Variants in HRK observed in about 807,000 individuals in gnomAD.
HRK encodes harakiri, BCL2 interacting protein, also known as activator of apoptosis harakiri.
A neutral mutation model predicts 5.9 loss-of-function variants in HRK; 6 were observed. The ratio of observed to expected loss-of-function variants is 1.02; its 90% confidence interval spans 0.56 to 2.01. The LOEUF is 2.01. Among genes scored for constraint, HRK ranks in the 30% most tolerant of loss-of-function variants. The pLI is 0.00. For missense variants in HRK, 133 were observed against 128.3 expected (o/e 1.04, Z -0.18); for synonymous variants, 85 against 65.1 (o/e 1.31, Z -1.47).
rs546371221 is a variant in HRK, at chr12:116,878,049, G to T, written c.*56+2927C>A. Among the ~76,000 whole-genome samples the T allele has an allele frequency of 5.5e-4, 83 of 152,126 alleles. No individual in the cohort carries two copies. The highest frequency in any genetic ancestry group is 1.1e-3 in the Non-Finnish European group (76 of 68,034). On this transcript the variant is annotated intron_variant, in intron 1 of 1. Coordinates refer to ENST00000257572, the MANE Select transcript of HRK (RefSeq NM_003806.4). The surrounding 1 kb of genome is among the most constrained non-coding windows in gnomAD (Gnocchi z 4.4). ...TCCTGCCTCAGCCTCCCGAGTAGCT[G>T]GGATTACAGGTGTGCACCACCACGC...
chr12:116,871,702 C>T (rs1458168454), intron 1 of HRK, among the ~76,000 whole-genome samples: 3 of 151,054 alleles, frequency 2.0e-5, no homozygotes, highest in Non-Finnish European at 4.4e-5. Context: ...TCACAGCTCA[C>T]TGCAGCCTCA....
In HRK at chr12:116,858,654, T is replaced by C. The variant is rs1299890474; in HGVS notation, c.*2869A>G. 1 of 151,264 alleles carries C rather than the reference T, an allele frequency of 6.6e-6. No individual in the cohort carries two copies. Among genetic ancestry groups the C allele is most frequent in the Non-Finnish European group, 1.5e-5 (1 of 68,138 alleles). 9.4% of individuals were successfully genotyped at this position (151,264 alleles called of 1,614,324 possible). A position where few individuals can be genotyped will look rare whatever the true frequency, so the allele number is the denominator to read the frequency against. On this transcript the variant is annotated 3_prime_UTR_variant, in exon 2 of 2. Coordinates refer to ENST00000257572, the MANE Select transcript of HRK (RefSeq NM_003806.4). ...TCTGCTGAAACCCGATATGAGGTCTTTTTTAAAATTTATTTCAAAGCCTCC... is the reference window on the plus strand; with the variant it reads ...TCTGCTGAAACCCGATATGAGGTCTCTTTTAAAATTTATTTCAAAGCCTCC...
rs1278236615 is a variant in HRK, at chr12:116,860,513, G to A, written c.*1010C>T. On this transcript the variant is annotated 3_prime_UTR_variant, in exon 2 of 2. Coordinates refer to ENST00000257572, the MANE Select transcript of HRK (RefSeq NM_003806.4). The stretch of plus-strand genomic sequence containing the variant: ...TGGAGGAGGCTGTGGGCTGAACTCC[G>A]AGGACACTTTTGTGGGGGTGGGGGA... 1 of 152,018 alleles carries A rather than the reference G, an allele frequency of 6.6e-6. No individual in the cohort carries two copies. Among genetic ancestry groups the A allele is most frequent in the Non-Finnish European group, 1.5e-5 (1 of 68,024 alleles). The allele number at this position is 152,018 out of a possible 1,614,324, so 9.4% of individuals were successfully genotyped here.
chr12:116,861,566 G>T (rs767157262), intron 1 of HRK, 100 bp from the exon 2 acceptor site: 5 of 152,226 alleles, frequency 3.3e-5, no homozygotes, highest in African/African-American at 9.7e-5. Flanking sequence ...ATGTCGGGAG[G>T]GGGAGGAGGG....
intron 1 of HRK, among the ~76,000 whole-genome samples, chr12:116,871,966 G>A (rs1328286186): frequency 1.3e-5 from 2 of 151,526 alleles, no homozygotes; most frequent in Admixed American, 1.3e-4. Context: ...GTCTGCCCAG[G>A]TTGGAGTACA....
rs1878151430 is a variant in HRK, at chr12:116,856,487, T to G, written c.*5036A>C. 1 of 152,220 alleles carries G rather than the reference T, an allele frequency of 6.6e-6. No homozygotes were observed. The highest frequency in any genetic ancestry group is 1.5e-5 in the Non-Finnish European group (1 of 68,048). 9.4% of individuals were successfully genotyped at this position (152,220 alleles called of 1,614,324 possible). On this transcript the variant is annotated 3_prime_UTR_variant, in exon 2 of 2. Transcript: ENST00000257572. The surrounding 1 kb of genome is among the most constrained non-coding windows in gnomAD (Gnocchi z 4.4). Reference sequence around the variant, plus strand: ...CCTAGGAAATAAGTCATACAGGCCCTATTTGCAAATTCCTTGCACCTTCCC... The same window carrying G: ...CCTAGGAAATAAGTCATACAGGCCCGATTTGCAAATTCCTTGCACCTTCCC...
chr12:116,875,632 C>G (rs1406235113), intron 1 of HRK, among the ~76,000 whole-genome samples: 1 of 152,166 alleles, frequency 6.6e-6, no homozygotes, highest in East Asian at 1.9e-4. Flanking sequence ...CAACCTCCGC[C>G]TCCTGGGTTC....
In HRK at chr12:116,878,135, C is replaced by CA. The variant is rs1274706420; in HGVS notation, c.*56+2840dup. 2.0e-5 allele frequency among the ~76,000 whole-genome samples: 3 copies of CA among 152,206 alleles called. No homozygotes were observed. The highest frequency in any genetic ancestry group is 4.1e-4 in the South Asian group (2 of 4,832). On this transcript the variant is annotated intron_variant, in intron 1 of 1. Transcript: ENST00000257572. The surrounding 1 kb of genome is among the most constrained non-coding windows in gnomAD (Gnocchi z 4.4). Reference sequence around the variant, plus strand: ...TTCACCATGTTGGCCATGCTGGTCTCAAACTCCTGACCTCAGGTGATCCAC... The same window carrying CA: ...TTCACCATGTTGGCCATGCTGGTCTCAAAACTCCTGACCTCAGGTGATCCAC...
intron 1 of HRK, among the ~76,000 whole-genome samples, chr12:116,865,492 A>G (rs1437678213): frequency 6.6e-6 from 1 of 152,164 alleles, no homozygotes; most frequent in Admixed American, 6.5e-5. Context: ...ATGCCTCTGC[A>G]CTCCATCCTG....
rs990397482 is a variant in HRK, at chr12:116,868,012, G to A, written c.*57-6546C>T. ...TTTTGTGCTTTCTAAAGGGGTTTCT[G>A]ACATTCATCTCCAGCCTGTTTCTGC... On this transcript the variant is annotated intron_variant, in intron 1 of 1. Transcript: ENST00000257572. Among the ~76,000 whole-genome samples the A allele has an allele frequency of 2.6e-5, 4 of 152,106 alleles. No homozygotes were observed. In the East Asian group the frequency reaches 7.7e-4, roughly 29 times the overall value.
intron 1 of HRK, among the ~76,000 whole-genome samples, chr12:116,867,140 A>T (rs1482963961): frequency 1.3e-5 from 2 of 151,722 alleles, no homozygotes; most frequent in Non-Finnish European, 2.9e-5. Context: ...TACAAAAAAA[A>T]ACTTTTTTTT....
intron 1 of HRK, among the ~76,000 whole-genome samples, chr12:116,871,979 G>A (rs1008154415): frequency 6.6e-6 from 1 of 151,788 alleles, no homozygotes; most frequent in Non-Finnish European, 1.5e-5. Flanking sequence ...GGAGTACAGT[G>A]GTGTAATTGT....
At position 116,881,246 on chromosome 12, in the gene HRK, C is replaced by T; in HGVS notation, c.62G>A (p.Gly21Asp). 9.1e-7 allele frequency: 1 copy of T among 1,098,234 alleles called. No individual in the cohort carries two copies. The highest frequency in any genetic ancestry group is 1.1e-6 in the Non-Finnish European group (1 of 904,520). The allele number at this position is 1,098,234 out of a possible 1,614,324, so 68.0% of individuals were successfully genotyped here. A position where few individuals can be genotyped will look rare whatever the true frequency, so the allele number is the denominator to read the frequency against. Residue 21 changes from glycine to aspartate, a missense_variant, in exon 1 of 2, where the codon GGT (glycine) becomes GAT (aspartate). By Grantham distance (94) the Gly-to-Asp change is moderately conservative. Transcript: ENST00000257572. ...GPPAVCACSA[G>D]RLGLRSSAAQ... ...GGCGGACGAGCGCAGCCCCAGGCGA[C>T]CCGCGCTGCAGGCGCACACGGCCGG...
intron 1 of HRK, among the ~76,000 whole-genome samples, chr12:116,873,862 G>A (rs769167795): frequency 1.8e-4 from 28 of 152,230 alleles, no homozygotes; most frequent in Admixed American, 3.9e-4. Context: ...ACCAGAAGTC[G>A]TAAAAGGATG....
rs1396771026 is a variant in HRK, at chr12:116,856,926, C to T, written c.*4597G>A. On this transcript the variant is annotated 3_prime_UTR_variant, in exon 2 of 2. Coordinates refer to ENST00000257572, the MANE Select transcript of HRK (RefSeq NM_003806.4). The surrounding 1 kb of genome is among the most constrained non-coding windows in gnomAD (Gnocchi z 4.4). Reference sequence around the variant, plus strand: ...CGCGGAGGGGAAGACGGGTAAAGCACTTCGCCCAGTGCTTGGGAGTGGCGA... The same window carrying T: ...CGCGGAGGGGAAGACGGGTAAAGCATTTCGCCCAGTGCTTGGGAGTGGCGA... The T allele has an allele frequency of 6.6e-6, 1 of 152,280 alleles. No homozygotes were observed. Among genetic ancestry groups the T allele is most frequent in the Non-Finnish European group, 1.5e-5 (1 of 68,068 alleles). 9.4% of individuals were successfully genotyped at this position (152,280 alleles called of 1,614,324 possible).
rs561903541 is a variant in HRK at position 116,866,083 on chromosome 12, G to A, written c.*57-4617C>T. ...TGAGACAGGAGAATCACTTAAACCCGGGAGGCAGAGGTTGCAGTGAACTGA... is the reference window on the plus strand; with the variant it reads ...TGAGACAGGAGAATCACTTAAACCCAGGAGGCAGAGGTTGCAGTGAACTGA... On this transcript the variant is annotated intron_variant, in intron 1 of 1. Coordinates refer to ENST00000257572, the MANE Select transcript of HRK (RefSeq NM_003806.4). 1.5e-4 allele frequency among the ~76,000 whole-genome samples: 23 copies of A among 149,454 alleles called. 1 individual carries two copies. Among genetic ancestry groups the A allele is most frequent in the Admixed American group, 3.4e-4 (5 of 14,750 alleles).
intron 1 of HRK, among the ~76,000 whole-genome samples, chr12:116,874,275 T>C (rs568497361): frequency 2.0e-5 from 3 of 152,180 alleles, no homozygotes; most frequent in African/African-American, 4.8e-5. Flanking sequence ...AAACGTACTA[T>C]GCAGTCTTAC....
chr12:116,868,661 C>T (rs1460222294), intron 1 of HRK, among the ~76,000 whole-genome samples: 2 of 152,146 alleles, frequency 1.3e-5, no homozygotes, highest in Non-Finnish European at 1.5e-5. Flanking sequence ...TGAGGCCTCC[C>T]CTACATTCAT....
At chr12:116,876,577 C>A in intron 1 of HRK, 1 of 152,534 alleles carries the variant, frequency 6.6e-6, no homozygotes, top group Non-Finnish European at 1.5e-5. Context: ...TCTACCCAGC[C>A]CTGGCCCCGA....
Sources: gnomAD v4.1 joint callset for allele counts (sites outside exome capture counted in the v4.1 genomes callset) on GRCh38, gnomAD v4.1.1 for gene constraint, Gnocchi (gnomAD v3.1) non-coding constraint, MANE v1.5 for transcripts, NCBI Gene and HGNC (gene_info 2026-07-23, HGNC 2026-07-21) for gene names.